Variants in RIN2 observed in about 807,000 individuals in gnomAD.
The protein encoded by RIN2 is RAB5 interacting protein 2.
A neutral mutation model predicts 78.0 loss-of-function variants in RIN2; 36 were observed. The ratio of observed to expected loss-of-function variants is 0.46; its 90% CI spans 0.35 to 0.61. RIN2 has a LOEUF of 0.61. Ranked by LOEUF, RIN2 falls within the 20% of genes least tolerant of loss-of-function variation. The pLI is 0.00. For synonymous variants in RIN2, 466 were observed against 466.8 expected, an observed-to-expected ratio of 1.00 and a Z score of 0.02; for missense variants, 1,087 against 1,159.7, an observed-to-expected ratio of 0.94 and a Z score of 0.91.
chr20:19,776,887 A>G (rs1017283715), intron 1 of RIN2, among the ~76,000 whole-genome samples: 1 of 152,180 alleles, frequency 6.6e-6, no homozygotes, highest in Non-Finnish European at 1.5e-5. Flanking sequence ...ATGTCCCCCT[A>G]GAATGTATAA....
Position 19,955,547 on chromosome 20 carries a change from G to A in RIN2, c.159-1068G>A, listed in dbSNP as rs1051464946. On this transcript the variant is annotated intron_variant, in intron 4 of 12. Coordinates refer to ENST00000255006, the MANE Select transcript of RIN2 (RefSeq NM_018993.4). The stretch of plus-strand genomic sequence containing the variant: ...AAATGGAATTTCGTCAGGTTCCACG[G>A]GCTGGCTTCAAACTCCTGGGTTCAA... Among the ~76,000 whole-genome samples the A allele has an allele frequency of 3.3e-5, 5 of 152,136 alleles. No homozygotes were observed. The South Asian group carries it at 1.0e-3, about 32-fold the overall frequency.
chr20:19,879,093 A>G (rs189735543), intron 2 of RIN2, among the ~76,000 whole-genome samples: 1 of 152,372 alleles, frequency 6.6e-6, no homozygotes, highest in East Asian at 1.9e-4. Flanking sequence ...AAACTGAATA[A>G]TAGGAAACTG....
At chr20:19,799,228 C>T (rs538431533) in intron 1 of RIN2, among the ~76,000 whole-genome samples, 26 of 152,180 alleles carry the variant, frequency 1.7e-4, no homozygotes, top group African/African-American at 6.0e-4. Context: ...TCTGATTAGT[C>T]CCATCTCCAG....
chr20:19,804,844 G>A (rs1360937022), intron 2 of RIN2, among the ~76,000 whole-genome samples: 1 of 151,960 alleles, frequency 6.6e-6, no homozygotes, highest in Non-Finnish European at 1.5e-5. Context: ...GTTTTGTTTT[G>A]CTGTTGTTGT....
At chr20:19,823,590 G>A in intron 2 of RIN2, 2 of 1,518,280 alleles carry the variant, frequency 1.3e-6, no homozygotes, top group Non-Finnish European at 1.8e-6. Flanking sequence ...CTAAGGATTG[G>A]TGCCGCATCT....
chr20:19,770,880 C>CG (rs1189680631), intron 1 of RIN2, among the ~76,000 whole-genome samples: 3 of 139,116 alleles, frequency 2.2e-5, no homozygotes, highest in African/African-American at 7.8e-5. Flanking sequence ...CCCACCCCCC[C>CG]CCCCCACCTT....
At chr20:19,884,011 G>A (rs921594942) in intron 2 of RIN2, among the ~76,000 whole-genome samples, 1 of 151,422 alleles carries the variant, frequency 6.6e-6, no homozygotes. Flanking sequence ...ATATTGTCCA[G>A]GCTGGTCTCA....
intron 1 of RIN2, among the ~76,000 whole-genome samples, chr20:19,783,128 G>T (rs2034563898): frequency 6.6e-6 from 1 of 152,194 alleles, no homozygotes; most frequent in African/African-American, 2.4e-5. Flanking sequence ...GCTCATCCTG[G>T]TGGTAGTGTG....
At chr20:19,959,441 G>A (rs2041665767) in intron 5 of RIN2, among the ~76,000 whole-genome samples, 1 of 152,166 alleles carries the variant, frequency 6.6e-6, no homozygotes, top group African/African-American at 2.4e-5. Context: ...GGGTGTCCCA[G>A]AGGCACTGAC....
At chr20:19,887,525 A>G (rs2038251013) in intron 2 of RIN2, among the ~76,000 whole-genome samples, 1 of 152,226 alleles carries the variant, frequency 6.6e-6, no homozygotes, top group East Asian at 1.9e-4. Context: ...TTGAAATGTG[A>G]TGGATCTGCC....
intron 4 of RIN2, among the ~76,000 whole-genome samples, chr20:19,941,824 A>T (rs1448090053): frequency 6.6e-6 from 1 of 152,164 alleles, no homozygotes; most frequent in African/African-American, 2.4e-5. Context: ...AAATTAAAGA[A>T]AATATTTAAG....
At chr20:19,789,466 C>T (rs1435344782) in intron 1 of RIN2, among the ~76,000 whole-genome samples, 1 of 152,176 alleles carries the variant, frequency 6.6e-6, no homozygotes, top group Admixed American at 6.5e-5. Flanking sequence ...ATGTGACACT[C>T]TTAATTTTCT....
chr20:19,844,593 G>GCTGCTGCTGCTGCTT (rs1568806843), intron 2 of RIN2, among the ~76,000 whole-genome samples: 3 of 64,064 alleles, frequency 4.7e-5, no homozygotes, highest in Non-Finnish European at 6.9e-5. Context: ...TGCTGCTGCT[G>GCTGCTGCTGCTGCTT]CTTCTTCCTC....
At position 20,001,003 on chromosome 20, in the gene RIN2, C is replaced by T; in HGVS notation, c.*67C>T. ...TGGAAGCCTTGCCTTCCCGCTTCTA[C>T]ATGCTTGAGCTTGAAAAGCAGTCAC... On this transcript the variant is annotated 3_prime_UTR_variant, in exon 13 of 13. Coordinates refer to ENST00000255006, the MANE Select transcript of RIN2 (RefSeq NM_018993.4). 1 of 1,416,544 alleles carries T rather than the reference C, an allele frequency of 7.1e-7. No homozygotes were observed. The highest frequency in any genetic ancestry group is 1.3e-5 in the South Asian group (1 of 76,028). 87.7% of individuals were successfully genotyped at this position (1,416,544 alleles called of 1,614,324 possible).
intron 3 of RIN2, among the ~76,000 whole-genome samples, chr20:19,918,834 C>T (rs576588500): frequency 2.6e-5 from 4 of 151,760 alleles, no homozygotes; most frequent in South Asian, 2.1e-4. Context: ...AGATGTGTTA[C>T]GCAGAGCCCA....
At chr20:19,843,342 T>G (rs6046362) in intron 2 of RIN2, among the ~76,000 whole-genome samples, 1 of 152,078 alleles carries the variant, frequency 6.6e-6, no homozygotes, top group African/African-American at 2.4e-5. Flanking sequence ...AAATCTTTGA[T>G]GAAAAAAAGT....
chr20:19,918,767 A>T (rs78750763), intron 3 of RIN2, among the ~76,000 whole-genome samples: 6 of 135,722 alleles, frequency 4.4e-5, no homozygotes, highest in Admixed American at 1.4e-4. Flanking sequence ...GGCCTTAATT[A>T]AAAAAAAAAA....
rs1385183339 is a variant in RIN2, at chr20:19,768,574, G to A, written c.-163+10247G>A. Among the ~76,000 whole-genome samples the A allele has an allele frequency of 2.0e-5, 3 of 152,166 alleles. No homozygotes were observed. In the East Asian group the frequency reaches 5.8e-4, roughly 29 times the overall value. On this transcript the variant is annotated intron_variant, in intron 1 of 12. Transcript: ENST00000255006. ...ATGATTTAGGACTCTGAAGGCACAG[G>A]GACAGGGCGTGGCAGCATTTGCCAG... is the stretch of plus-strand genomic sequence containing the variant.
At chr20:19,798,825 A>G (rs572524988) in intron 1 of RIN2, among the ~76,000 whole-genome samples, 4 of 152,330 alleles carry the variant, frequency 2.6e-5, no homozygotes, top group Non-Finnish European at 5.9e-5. Context: ...GACTGCATTC[A>G]TGCATGTACT....
Sources: allele counts gnomAD v4.1 joint callset (sites outside exome capture counted in the v4.1 genomes callset), GRCh38; gene constraint gnomAD v4.1.1; transcripts MANE v1.5; gene names NCBI Gene and HGNC (gene_info 2026-07-23, HGNC 2026-07-21).